The following CFAP54 variants were observed in gnomAD, a reference collection of about 807,000 sequenced individuals.
CFAP54 encodes the protein cilia and flagella associated protein 54, also known as cilia- and flagella-associated protein 54.
Under a neutral mutation model 370.4 loss-of-function variants are expected in CFAP54, and 290 were observed. That is an observed-to-expected ratio of 0.78 (90% CI 0.71 to 0.86). CFAP54 has a LOEUF of 0.86. Ranked by LOEUF, CFAP54 falls within the 40% of genes least tolerant of loss-of-function variation. CFAP54 has a pLI of 0.00. For missense variants in CFAP54, 3,399 were observed against 3,528.7 expected (o/e 0.96, Z 0.93); for synonymous variants, 1,206 against 1,236.5 (o/e 0.98, Z 0.52).
At chr12:96,667,156 C>T (rs943744132) in intron 39 of CFAP54, among the ~76,000 whole-genome samples, 1 of 152,192 alleles carries the variant, frequency 6.6e-6, no homozygotes, top group African/African-American at 2.4e-5. Context: ...GTATGGCCTC[C>T]CTCCCGGCTG....
intron 61 of CFAP54, among the ~76,000 whole-genome samples, chr12:96,785,596 A>C (rs1263707944): frequency 6.6e-6 from 1 of 152,144 alleles, no homozygotes; most frequent in African/African-American, 2.4e-5. Flanking sequence ...GTCAGGACGA[A>C]AAGGTTCATG....
At chr12:96,675,870 C>T (rs1401422908) in intron 39 of CFAP54, among the ~76,000 whole-genome samples, 2 of 148,512 alleles carry the variant, frequency 1.3e-5, no homozygotes, top group South Asian at 2.1e-4. Context: ...TTCTCACTCA[C>T]AGGTGGGAAT....
chr12:96,649,392 G>T (rs751941325), intron 34 of CFAP54, among the ~76,000 whole-genome samples: 5 of 152,052 alleles, frequency 3.3e-5, no homozygotes, highest in Admixed American at 2.6e-4. Flanking sequence ...TTGCTACCGA[G>T]ACTTACTATC....
intron 39 of CFAP54, among the ~76,000 whole-genome samples, chr12:96,677,099 C>T (rs781066691): frequency 6.6e-6 from 1 of 151,878 alleles, no homozygotes; most frequent in Middle Eastern, 3.4e-3. Context: ...AACTCCTGGG[C>T]TCAGGTGATC....
Position 96,738,814 on chromosome 12 carries a change from G to A in CFAP54, c.6966-1142G>A, listed in dbSNP as rs149718099. On this transcript the variant is annotated intron_variant, in intron 50 of 67. Coordinates refer to ENST00000524981, the MANE Select transcript of CFAP54 (RefSeq NM_001306084.2). ...TTTAGTAGAGACTGGGTTTCACCGTGTTAGCCAGGATGGCCTTGATCTTCT... is the reference window on the plus strand; with the variant it reads ...TTTAGTAGAGACTGGGTTTCACCGTATTAGCCAGGATGGCCTTGATCTTCT... Among the ~76,000 whole-genome samples, 548 of 152,148 alleles carry A rather than the reference G, an allele frequency of 3.6e-3. 2 individuals are homozygous for A. The highest frequency in any genetic ancestry group is 0.013 in the African/African-American group (523 of 41,516).
chr12:96,819,685 T>C (rs1959010493), intron 65 of CFAP54, among the ~76,000 whole-genome samples: 1 of 152,196 alleles, frequency 6.6e-6, no homozygotes, highest in African/African-American at 2.4e-5. Context: ...TTATTTTCCT[T>C]TCTTTTGTGT....
intron 1 of CFAP54, 47 bp downstream of exon 1, chr12:96,489,973 C>T (rs1270940176): frequency 6.8e-6 from 10 of 1,478,936 alleles, no homozygotes; most frequent in South Asian, 5.1e-5. Context: ...AGAGGAGGGA[C>T]CCCTGGAAAG....
At chr12:96,803,144 G>A (rs1158658807) in intron 63 of CFAP54, among the ~76,000 whole-genome samples, 1 of 152,162 alleles carries the variant, frequency 6.6e-6, no homozygotes, top group Admixed American at 6.5e-5. Flanking sequence ...ACACACGTGT[G>A]CATGTGTCTT....
At chr12:96,499,580 T>C (rs953833547) in intron 1 of CFAP54, among the ~76,000 whole-genome samples, 2 of 152,142 alleles carry the variant, frequency 1.3e-5, no homozygotes, top group Admixed American at 6.5e-5. Context: ...AAACATATTC[T>C]TACCATAACA....
intron 20 of CFAP54, 148 bp from the exon 21 acceptor site, chr12:96,580,449 C>T (rs1956021603): frequency 2.1e-6 from 1 of 472,010 alleles, no homozygotes; most frequent in Non-Finnish European, 3.7e-6. Context: ...TACTTTTACT[C>T]TTTAAAGATT....
intron 32 of CFAP54, among the ~76,000 whole-genome samples, chr12:96,642,732 C>T (rs991359672): frequency 6.6e-6 from 1 of 152,186 alleles, no homozygotes; most frequent in Non-Finnish European, 1.5e-5. Flanking sequence ...TCTGCTTCCT[C>T]TTATGGCTTC....
chr12:96,523,988 C>G (rs1955347946), intron 8 of CFAP54, among the ~76,000 whole-genome samples: 1 of 151,644 alleles, frequency 6.6e-6, no homozygotes, highest in Non-Finnish European at 1.5e-5. Flanking sequence ...TCAACACATC[C>G]TTTTTATAAC....
At position 96,860,801 on chromosome 12, in the gene CFAP54, T is replaced by G; in HGVS notation, c.9172-18T>G. 1 of 1,518,998 alleles carries G rather than the reference T, an allele frequency of 6.6e-7. No homozygotes were observed. The highest frequency in any genetic ancestry group is 8.8e-7 in the Non-Finnish European group (1 of 1,140,616). The allele number at this position is 1,518,998 out of a possible 1,614,324, so 94.1% of individuals were successfully genotyped here. A position where few individuals can be genotyped will look rare whatever the true frequency, so the allele number is the denominator to read the frequency against. On this transcript the variant is annotated intron_variant, in intron 66 of 67. Transcript: ENST00000524981. ...TTGAAACAATGCATTTCATGAACACTTTTATGTTTTTCCTCAGGTCCCATT... is the reference window on the plus strand; with the variant it reads ...TTGAAACAATGCATTTCATGAACACGTTTATGTTTTTCCTCAGGTCCCATT...
chr12:96,825,350 CATGTT>C (rs1299444112), intron 65 of CFAP54, among the ~76,000 whole-genome samples: 1 of 117,152 alleles, frequency 8.5e-6, no homozygotes, highest in African/African-American at 3.4e-5. Context: ...TATTATGTAA[CATGTT>C]ATATTATATA....
chr12:96,721,097 A>G (rs1179295722), intron 50 of CFAP54, among the ~76,000 whole-genome samples: 1 of 152,122 alleles, frequency 6.6e-6, no homozygotes, highest in Non-Finnish European at 1.5e-5. Context: ...AATTTCATAT[A>G]TAGAATGAAC....
intron 50 of CFAP54, among the ~76,000 whole-genome samples, chr12:96,735,402 A>C (rs1328708882): frequency 1.3e-5 from 2 of 152,168 alleles, no homozygotes; most frequent in Non-Finnish European, 2.9e-5. Flanking sequence ...GGGGTTCACT[A>C]TCCAAAAACC....
At chr12:96,508,664 T>C (rs1955133889) in intron 4 of CFAP54, among the ~76,000 whole-genome samples, 1 of 151,852 alleles carries the variant, frequency 6.6e-6, no homozygotes, top group African/African-American at 2.4e-5. Flanking sequence ...TTTTTCCTTT[T>C]CTCTTTTTTA....
chr12:96,628,796 T>A (rs895758949), intron 30 of CFAP54, among the ~76,000 whole-genome samples: 1 of 152,168 alleles, frequency 6.6e-6, no homozygotes, highest in African/African-American at 2.4e-5. Context: ...GAACTAGCTA[T>A]CCAGGCTTAC....
At chr12:96,789,406 T>C (rs1378896892) in intron 62 of CFAP54, among the ~76,000 whole-genome samples, 1 of 152,162 alleles carries the variant, frequency 6.6e-6, no homozygotes, top group Non-Finnish European at 1.5e-5. Context: ...CAGATTCAGA[T>C]TCACCCCTCC....
Sources: allele counts gnomAD v4.1 joint callset (sites outside exome capture counted in the v4.1 genomes callset), GRCh38; gene constraint gnomAD v4.1.1; transcripts MANE v1.5; gene names NCBI Gene and HGNC (gene_info 2026-07-23, HGNC 2026-07-21).